The following KAT6B variants were observed in gnomAD, a reference collection of about 807,000 sequenced individuals.
KAT6B encodes histone acetyltransferase KAT6B.
KAT6B carries 10 observed loss-of-function variants against 187.5 expected under a neutral mutation model. That is an observed-to-expected ratio of 0.05 (90% CI 0.03 to 0.09). The LOEUF (loss-of-function observed/expected upper bound fraction) is 0.09, where lower values mean the gene tolerates loss of function less well. Ranked by LOEUF, KAT6B falls within the 10% of genes least tolerant of loss-of-function variation. The pLI, the probability that KAT6B is intolerant of heterozygous loss-of-function variation, is 1.00. For missense variants in KAT6B, 1,952 were observed against 2,558.9 expected, an observed-to-expected ratio of 0.76 and a Z score of 5.12; for synonymous variants, 861 against 926.8, an observed-to-expected ratio of 0.93 and a Z score of 1.29.
At chr10:74,946,305 T>C (rs1202434793) in intron 3 of KAT6B, among the ~76,000 whole-genome samples, 3 of 152,218 alleles carry the variant, frequency 2.0e-5, no homozygotes. Flanking sequence ...ATTGGTGATT[T>C]GCATTTTCTT....
chr10:75,024,646 C>T (rs1223164032), intron 16 of KAT6B, among the ~76,000 whole-genome samples: 2 of 152,218 alleles, frequency 1.3e-5, no homozygotes, highest in Non-Finnish European at 2.9e-5. Context: ...TTGAAGCCAG[C>T]AAGTACCATT....
At chr10:74,855,951 A>G (rs1842792148) in intron 3 of KAT6B, among the ~76,000 whole-genome samples, 1 of 152,282 alleles carries the variant, frequency 6.6e-6, no homozygotes, top group African/African-American at 2.4e-5. Context: ...CAAATATTAT[A>G]TTTCACCCCT....
At chr10:75,013,718 A>G (rs1462015767) in intron 13 of KAT6B, among the ~76,000 whole-genome samples, 1 of 152,204 alleles carries the variant, frequency 6.6e-6, no homozygotes, top group Non-Finnish European at 1.5e-5. Flanking sequence ...TGCATGTTTC[A>G]TATTAACTCA....
chr10:74,951,119 T>TTTTTAA (rs1294438842), intron 3 of KAT6B, among the ~76,000 whole-genome samples: 1 of 152,012 alleles, frequency 6.6e-6, no homozygotes, highest in African/African-American at 2.4e-5. Context: ...TTCTTTTTTT[T>TTTTTAA]TTTTTAATTT....
At chr10:74,895,806 G>T (rs1230600630) in intron 3 of KAT6B, among the ~76,000 whole-genome samples, 1 of 152,032 alleles carries the variant, frequency 6.6e-6, no homozygotes, top group Non-Finnish European at 1.5e-5. Flanking sequence ...GAGCCACCAT[G>T]CCTGGCCCTT....
intron 3 of KAT6B, among the ~76,000 whole-genome samples, chr10:74,940,835 C>T (rs762051062): frequency 1.3e-5 from 2 of 152,110 alleles, no homozygotes; most frequent in African/African-American, 2.4e-5. Context: ...AATTCTTGGT[C>T]GCCTCACTGC....
chr10:74,958,133 G>A (rs144274769), intron 3 of KAT6B, among the ~76,000 whole-genome samples: 2 of 152,210 alleles, frequency 1.3e-5, no homozygotes, highest in East Asian at 3.9e-4. Flanking sequence ...GTCATGAGAT[G>A]GTTTTTTGTT....
intron 3 of KAT6B, among the ~76,000 whole-genome samples, chr10:74,934,298 A>T (rs1294394420): frequency 6.6e-6 from 1 of 151,872 alleles, no homozygotes; most frequent in Admixed American, 6.6e-5. Context: ...TGCCTTGGCA[A>T]TTTTTTTCTG....
chr10:75,012,142 T>C (rs942890005), intron 13 of KAT6B, among the ~76,000 whole-genome samples: 6 of 152,094 alleles, frequency 3.9e-5, no homozygotes, highest in Admixed American at 6.5e-5. Flanking sequence ...TGGGCTATAC[T>C]TGAAGACAGA....
intron 3 of KAT6B, among the ~76,000 whole-genome samples, chr10:74,934,926 C>A (rs1849133441): frequency 6.6e-6 from 1 of 152,202 alleles, no homozygotes. Context: ...TGACTTATAT[C>A]TACTGACAGA....
intron 1 of KAT6B, among the ~76,000 whole-genome samples, chr10:74,836,361 A>G (rs1039020494): frequency 3.3e-5 from 5 of 152,214 alleles, no homozygotes; most frequent in African/African-American, 1.2e-4. Context: ...CCATATGGTA[A>G]TTCTGTGTTT....
chr10:74,939,878 T>C (rs180748308), intron 3 of KAT6B, among the ~76,000 whole-genome samples: 1 of 152,382 alleles, frequency 6.6e-6, no homozygotes, highest in Non-Finnish European at 1.5e-5. Context: ...GTTTATCCTA[T>C]AGATGTATTT....
intron 3 of KAT6B, among the ~76,000 whole-genome samples, chr10:74,844,920 T>G (rs112332544): frequency 3.3e-5 from 5 of 152,282 alleles, no homozygotes; most frequent in African/African-American, 7.2e-5. Flanking sequence ...TCATTGTTGA[T>G]AGAAAGGTGG....
intron 3 of KAT6B, among the ~76,000 whole-genome samples, chr10:74,905,843 C>T (rs1285462092): frequency 2.0e-5 from 3 of 152,172 alleles, no homozygotes; most frequent in South Asian, 4.1e-4. Context: ...TCCCTATTGC[C>T]TGCACTCTGA....
rs189298151 is a variant in KAT6B, at chr10:74,973,530, A to G, written c.1061+891A>G. ...TACATGCTCTGCACACACCTTGAAC[A>G]GACTCCAAGAATCTCACTCCCTTGC... On this transcript the variant is annotated intron_variant, in intron 7 of 17. Transcript: ENST00000287239. Among the ~76,000 whole-genome samples, 13 of 152,336 alleles carry G rather than the reference A, an allele frequency of 8.5e-5. 1 individual carries two copies. Among genetic ancestry groups the G allele is most frequent in the Admixed American group, 8.5e-4 (13 of 15,308 alleles).
At chr10:74,876,108 T>C (rs1421918963) in intron 3 of KAT6B, among the ~76,000 whole-genome samples, 2 of 152,198 alleles carry the variant, frequency 1.3e-5, no homozygotes, top group African/African-American at 4.8e-5. Flanking sequence ...TCATGAAATT[T>C]ATAAACCAGG....
chr10:75,017,809 C>T (rs1487297643), intron 13 of KAT6B, among the ~76,000 whole-genome samples: 4 of 152,220 alleles, frequency 2.6e-5, no homozygotes, highest in African/African-American at 9.6e-5. Flanking sequence ...CACTTTTCTT[C>T]TAAGCTGTAC....
chr10:74,954,481 G>C (rs1840535135), intron 3 of KAT6B, among the ~76,000 whole-genome samples: 1 of 148,294 alleles, frequency 6.7e-6, no homozygotes, highest in South Asian at 2.1e-4. Flanking sequence ...AAATGAAGCG[G>C]AAAAAAAAAA....
intron 3 of KAT6B, among the ~76,000 whole-genome samples, chr10:74,914,918 C>T (rs1278620289): frequency 6.8e-6 from 1 of 146,592 alleles, no homozygotes; most frequent in East Asian, 1.9e-4. Flanking sequence ...ACAGGCACTC[C>T]ATCTCTTTAA....
Sources: allele counts gnomAD v4.1 joint callset (sites outside exome capture counted in the v4.1 genomes callset), GRCh38; gene constraint gnomAD v4.1.1; transcripts MANE v1.5; gene names NCBI Gene and HGNC (gene_info 2026-07-23, HGNC 2026-07-21).